RNF150: variants seen among roughly 807,000 people sequenced by gnomAD.
RNF150 encodes ring finger protein 150.
In RNF150, 24 loss-of-function variants were observed where a neutral mutation model predicts 39.3. That is an observed-to-expected ratio of 0.61 (90% CI 0.44 to 0.86). RNF150 has a LOEUF of 0.86. RNF150 is among the 40% of genes least tolerant of loss of function. The pLI, the probability that RNF150 is intolerant of heterozygous loss-of-function variation, is 0.00. For missense variants in RNF150, 502 were observed against 587.8 expected, an observed-to-expected ratio of 0.85 and a Z score of 1.51; for synonymous variants, 255 against 227.3, an observed-to-expected ratio of 1.12 and a Z score of -1.10.
At chr4:141,072,688 G>A (rs543638203) in intron 1 of RNF150, among the ~76,000 whole-genome samples, 157 of 152,110 alleles carry the variant, frequency 1.0e-3, no homozygotes, top group Non-Finnish European at 1.7e-3. Context: ...AACATAGACA[G>A]GTAGATGTGA....
intron 1 of RNF150, among the ~76,000 whole-genome samples, chr4:141,048,718 G>A (rs184584576): frequency 1.1e-4 from 16 of 152,250 alleles, no homozygotes; most frequent in Admixed American, 9.8e-4. Flanking sequence ...GGGTGACAGA[G>A]TGAGACCCTG....
chr4:141,211,341 A>G (rs967711692), intron 1 of RNF150, among the ~76,000 whole-genome samples: 1 of 152,196 alleles, frequency 6.6e-6, no homozygotes, highest in African/African-American at 2.4e-5. Flanking sequence ...AGATACACCT[A>G]CGCTTGCTAT....
upstream of RNF150, among the ~76,000 whole-genome samples, chr4:141,134,996 G>A (rs1727007065): frequency 6.6e-6 from 1 of 152,172 alleles, no homozygotes; most frequent in Non-Finnish European, 1.5e-5. Context: ...TCTTTCCTTT[G>A]GAAAAGTTAG....
chr4:140,894,958 T>C (rs1418358544), intron 6 of RNF150, among the ~76,000 whole-genome samples: 1 of 152,142 alleles, frequency 6.6e-6, no homozygotes, highest in Non-Finnish European at 1.5e-5. Context: ...CAAGGGAGCA[T>C]CTTCAATTCA....
At chr4:141,030,354 A>C (rs1449620909) in intron 1 of RNF150, among the ~76,000 whole-genome samples, 1 of 152,158 alleles carries the variant, frequency 6.6e-6, no homozygotes, top group Admixed American at 6.5e-5. Flanking sequence ...CTGTTGATGG[A>C]AATATAAATT....
At chr4:140,877,690 T>TTCTA (rs1729210591) in intron 6 of RNF150, among the ~76,000 whole-genome samples, 1 of 152,228 alleles carries the variant, frequency 6.6e-6, no homozygotes, top group South Asian at 2.1e-4. Flanking sequence ...GAGATCAGAT[T>TTCTA]TGTATCCATA....
chr4:141,169,009 G>T (rs1445044274), intron 1 of RNF150, among the ~76,000 whole-genome samples: 1 of 152,098 alleles, frequency 6.6e-6, no homozygotes, highest in Non-Finnish European at 1.5e-5. Flanking sequence ...AATGTGAGAA[G>T]GACATGAAAT....
intron 1 of RNF150, among the ~76,000 whole-genome samples, chr4:141,080,622 GT>G (rs1738113074): frequency 6.6e-6 from 1 of 152,160 alleles, no homozygotes; most frequent in South Asian, 2.1e-4. Context: ...GAAGTTGCAT[GT>G]TTTTTGTTCT....
intron 1 of RNF150, among the ~76,000 whole-genome samples, chr4:141,171,649 T>C (rs985892494): frequency 6.6e-6 from 1 of 152,204 alleles, no homozygotes; most frequent in Non-Finnish European, 1.5e-5. Flanking sequence ...TCACTTTCAA[T>C]TGAATGTACT....
chr4:141,014,771 C>T (rs1216350001), intron 1 of RNF150, among the ~76,000 whole-genome samples: 2 of 144,224 alleles, frequency 1.4e-5, no homozygotes, highest in East Asian at 4.3e-4. Context: ...TAAATATTTT[C>T]TGTAGGTTGT....
intron 1 of RNF150, among the ~76,000 whole-genome samples, chr4:140,981,297 G>A (rs1254470587): frequency 1.3e-5 from 2 of 152,084 alleles, no homozygotes; most frequent in Admixed American, 6.6e-5. Context: ...ACATCTTGGC[G>A]ATAGAACCCA....
intron 1 of RNF150, among the ~76,000 whole-genome samples, chr4:141,086,988 T>A (rs1404675703): frequency 1.3e-5 from 2 of 152,162 alleles, no homozygotes; most frequent in Non-Finnish European, 2.9e-5. Flanking sequence ...TTATTTTTAT[T>A]AAAAATTTTT....
At chr4:141,061,530 G>A (rs144705529) in intron 1 of RNF150, among the ~76,000 whole-genome samples, 1 of 152,230 alleles carries the variant, frequency 6.6e-6, no homozygotes, top group East Asian at 1.9e-4. Flanking sequence ...ATGCAATATT[G>A]CTCTTCTAAA....
chr4:141,173,018 C>T (rs1260407533), intron 1 of RNF150, among the ~76,000 whole-genome samples: 2 of 151,450 alleles, frequency 1.3e-5, no homozygotes, highest in East Asian at 1.9e-4. Flanking sequence ...AAGAGTGAAA[C>T]TCCGTCTTAA....
chr4:141,083,459 C>T (rs1486466034), intron 1 of RNF150, among the ~76,000 whole-genome samples: 1 of 152,130 alleles, frequency 6.6e-6, no homozygotes, highest in Non-Finnish European at 1.5e-5. Context: ...GTTTGATTTA[C>T]ATGTTGGTGG....
intron 4 of RNF150, among the ~76,000 whole-genome samples, chr4:140,944,223 C>A (rs930040798): frequency 1.4e-4 from 22 of 152,100 alleles, no homozygotes; most frequent in African/African-American, 5.3e-4. Flanking sequence ...ACCTTAGATA[C>A]AAAAACCACC....
intron 1 of RNF150, among the ~76,000 whole-genome samples, chr4:141,041,524 G>C (rs1736372124): frequency 6.6e-6 from 1 of 152,062 alleles, no homozygotes; most frequent in Non-Finnish European, 1.5e-5. Context: ...ATACACAGCT[G>C]CATCTATCCA....
At chr4:140,926,205 C>T in intron 4 of RNF150, 132 bp from the exon 5 acceptor site, 2 of 650,552 alleles carry the variant, frequency 3.1e-6, no homozygotes, top group Non-Finnish European at 5.5e-6. Context: ...CCATCCCTAA[C>T]TTGTGGGCCA....
intron 1 of RNF150, among the ~76,000 whole-genome samples, chr4:141,052,441 T>A (rs1736811926): frequency 6.6e-6 from 1 of 152,216 alleles, no homozygotes. Context: ...AGTGGCGCGA[T>A]CTTGGCTCAC....
Sources: gnomAD v4.1 joint callset for allele counts (sites outside exome capture counted in the v4.1 genomes callset) on GRCh38, gnomAD v4.1.1 for gene constraint, MANE v1.5 for transcripts, NCBI Gene and HGNC (gene_info 2026-07-23, HGNC 2026-07-21) for gene names.